The following BCAR1 variants were observed in gnomAD, a reference collection of about 807,000 sequenced individuals.
The protein encoded by BCAR1 is BCAR1 scaffold protein, Cas family member, also known as breast cancer anti-estrogen resistance protein 1.
In BCAR1, 30 loss-of-function variants were observed where a neutral mutation model predicts 67.6. That is an observed-to-expected ratio of 0.44 (90% CI 0.33 to 0.60). The LOEUF is 0.60. Ranked by LOEUF, BCAR1 falls within the 20% of genes least tolerant of loss-of-function variation. The probability of loss-of-function intolerance (pLI) is 0.02; values close to 1 mark genes in which losing one functional copy is unlikely to be tolerated. For synonymous variants in BCAR1, 626 were observed against 556.7 expected, an observed-to-expected ratio of 1.12 and a Z score of -1.75; for missense variants, 1,313 against 1,222.3, an observed-to-expected ratio of 1.07 and a Z score of -1.11.
At chr16:75,233,729 G>A in intron 6 of BCAR1, 117 bp downstream of exon 6, 1 of 1,065,026 alleles carries the variant, frequency 9.4e-7, no homozygotes, top group Non-Finnish European at 1.3e-6. Context: ...GCCCAGCTCT[G>A]AGCACTGTCA....
chr16:75,231,091 G>A (rs1206184705), intron 6 of BCAR1, among the ~76,000 whole-genome samples: 1 of 151,048 alleles, frequency 6.6e-6, no homozygotes, highest in Non-Finnish European at 1.5e-5. Flanking sequence ...CTGTCACCCA[G>A]GCTAATCTTT....
chr16:75,243,588 CAA>C, intron 1 of BCAR1: 1 of 437,780 alleles, frequency 2.3e-6, no homozygotes, highest in Non-Finnish European at 4.5e-6. Flanking sequence ...ACCCCAAATC[CAA>C]AAAGTCAGTA....
At chr16:75,234,857 A>G in intron 5 of BCAR1, 32 bp downstream of exon 5, 1 of 1,516,354 alleles carries the variant, frequency 6.6e-7, no homozygotes, top group South Asian at 1.3e-5. Context: ...GCGTGGCAGA[A>G]GAGGAGCCGG....
At chr16:75,244,344 G>T (rs117421384) in intron 1 of BCAR1, among the ~76,000 whole-genome samples, 3,570 of 152,390 alleles carry the variant, frequency 0.023, 85 homozygotes, top group Middle Eastern at 0.11. Flanking sequence ...AAACAAGGAA[G>T]AAAGGGCCAC....
At chr16:75,266,145 C>T in intron 1 of BCAR1, 1 of 560,436 alleles carries the variant, frequency 1.8e-6, no homozygotes, top group Non-Finnish European at 2.3e-6. Context: ...CGATCCCTCG[C>T]GGGCCACCTC....
In BCAR1 at chr16:75,228,383, G is replaced by A. The variant is rs888188712; in HGVS notation, c.*1128C>T. The A allele has an allele frequency of 1.3e-5, 2 of 152,140 alleles. No homozygotes were observed. The highest frequency in any genetic ancestry group is 2.1e-4 in the South Asian group (1 of 4,832). The allele number at this position is 152,140 out of a possible 1,614,324, so 9.4% of individuals were successfully genotyped here. A position where few individuals can be genotyped will look rare whatever the true frequency, so the allele number is the denominator to read the frequency against. On this transcript the variant is annotated 3_prime_UTR_variant, in exon 7 of 7. Transcript: ENST00000162330. ...CAAGGCCCATGTTCATATGCAGAAC[G>A]GTCAGGGCTGGGAGCAGCACCAGGG...
At chr16:75,238,641 C>T (rs997844823) in intron 2 of BCAR1, 2 of 986,092 alleles carry the variant, frequency 2.0e-6, no homozygotes, top group Non-Finnish European at 2.4e-6. Flanking sequence ...TCCAGCACGC[C>T]TGGTAGCAGA....
At chr16:75,263,986 G>A (rs780781185) in intron 1 of BCAR1, 9 of 1,181,860 alleles carry the variant, frequency 7.6e-6, no homozygotes, top group Non-Finnish European at 9.4e-6. Flanking sequence ...GGGGGCAGAT[G>A]GCAAAGACCT....
chr16:75,233,190 G>A (rs1458401156), intron 6 of BCAR1, among the ~76,000 whole-genome samples: 1 of 152,160 alleles, frequency 6.6e-6, no homozygotes, highest in Non-Finnish European at 1.5e-5. Context: ...TGGGCAATGT[G>A]GTGAAACCTT....
chr16:75,265,880 G>T (rs1225629680), intron 1 of BCAR1: 4 of 1,150,088 alleles, frequency 3.5e-6, no homozygotes, highest in Non-Finnish European at 4.3e-6. Context: ...GGCGCCAGCG[G>T]GCTGGGGGCT....
At chr16:75,245,993 T>TTTTTTG (rs2077510862) in intron 1 of BCAR1, 1 of 123,306 alleles carries the variant, frequency 8.1e-6, no homozygotes, top group African/African-American at 3.5e-5. Context: ...TTTTTTTTTT[T>TTTTTTG]GAGACTGGGT....
chr16:75,250,780 A>T (rs1597259155), intron 1 of BCAR1: 2 of 985,278 alleles, frequency 2.0e-6, no homozygotes, highest in Non-Finnish European at 2.4e-6. Context: ...ACACTGCAGA[A>T]CCCGGCCCTG....
intron 1 of BCAR1, among the ~76,000 whole-genome samples, chr16:75,258,972 G>A (rs543933852): frequency 6.6e-6 from 1 of 152,302 alleles, no homozygotes; most frequent in South Asian, 2.1e-4. Context: ...AGGAGGAGGA[G>A]GAGGGACGCA....
Position 75,235,448 on chromosome 16 carries a change from G to A in BCAR1, c.1451C>T (p.Ala484Val). ...GCTACGCCAGCTCCCAGTCGCACCG[G>A]CGCTGCCTGCCAGGTCCAGAAGGTG... ...VAHLLDLAGSAGATGSWRSPS... is the reference protein window; with the variant it reads ...VAHLLDLAGSVGATGSWRSPS... Residue 484 changes from alanine (A) to valine (V), a missense_variant, in exon 5 of 7, where the codon GCC becomes GTC. By Grantham distance (64) the Ala-to-Val change is moderately conservative. This residue lies in a region of BCAR1 where 1,272 missense variants were observed against 1,137.5 expected (regional missense o/e 1.12). Transcript: ENST00000162330. The A allele has an allele frequency of 6.2e-7, 1 of 1,607,432 alleles. No homozygotes were observed. Among genetic ancestry groups the A allele is most frequent in the Non-Finnish European group, 8.5e-7 (1 of 1,178,694 alleles).
intron 1 of BCAR1, chr16:75,265,345 C>G (rs1257656511): frequency 6.6e-6 from 1 of 152,364 alleles, no homozygotes; most frequent in African/African-American, 2.4e-5. Flanking sequence ...GGGAGCGCCG[C>G]AGGGCAGCAA....
At chr16:75,232,246 C>T (rs2076925853) in intron 6 of BCAR1, among the ~76,000 whole-genome samples, 1 of 152,068 alleles carries the variant, frequency 6.6e-6, no homozygotes, top group Admixed American at 6.6e-5. Context: ...CTGCAAGCTC[C>T]GCCTCCTGGG....
intron 1 of BCAR1, chr16:75,266,143 C>T: frequency 3.5e-6 from 2 of 571,016 alleles, no homozygotes; most frequent in East Asian, 1.4e-4. Context: ...GCCGATCCCT[C>T]GCGGGCCACC....
chr16:75,263,459 C>T, intron 1 of BCAR1: 1 of 985,350 alleles, frequency 1.0e-6, no homozygotes, highest in Non-Finnish European at 1.2e-6. Flanking sequence ...CTGCTCTATG[C>T]CTGGAGCAGA....
In BCAR1 at chr16:75,251,517, G is replaced by A; in HGVS notation, c.-35C>T. 1 of 1,311,068 alleles carries A rather than the reference G, an allele frequency of 7.6e-7. No individual in the cohort carries two copies. Among genetic ancestry groups the A allele is most frequent in the Non-Finnish European group, 9.7e-7 (1 of 1,028,136 alleles). The allele number at this position is 1,311,068 out of a possible 1,614,324, so 81.2% of individuals were successfully genotyped here. ...CGGGCCTGGGGCCCCGGCTCTCGCG[G>A]GGGCGCACACCGAGCTGCCCGGGCC... On this transcript the variant is annotated 5_prime_UTR_variant, in exon 1 of 7. Transcript: ENST00000162330.
Sources: gnomAD v4.1 joint callset for allele counts (sites outside exome capture counted in the v4.1 genomes callset) on GRCh38, gnomAD v4.1.1 for gene constraint, gnomAD v4.1.1 regional missense constraint, MANE v1.5 for transcripts, NCBI Gene and HGNC (gene_info 2026-07-23, HGNC 2026-07-21) for gene names.